The following COL4A6 variants were observed in gnomAD, a reference collection of about 807,000 sequenced individuals.
COL4A6 encodes collagen type IV alpha 6 chain, also known as collagen alpha-6(IV) chain.
COL4A6 carries 59 observed loss-of-function variants against 126.7 expected under a neutral mutation model. The observed-to-expected ratio is 0.47, with a 90% CI of 0.38 to 0.58. COL4A6 has a LOEUF of 0.58. COL4A6 is among the 20% of genes least tolerant of loss of function. The probability of loss-of-function intolerance (pLI) is 0.00; values close to 1 mark genes in which losing one functional copy is unlikely to be tolerated. For missense variants in COL4A6, 1,285 were observed against 1,337.3 expected (o/e 0.96, Z 0.61); for synonymous variants, 547 against 496.6 (o/e 1.10, Z -1.35).
Position 108,438,321 on chromosome X carries a change from T to A in COL4A6, c.-125A>T. The A allele has an allele frequency of 9.2e-7, 1 of 1,090,642 alleles. No homozygotes were observed. 89.9% of individuals were successfully genotyped at this position (1,090,642 alleles called of 1,213,427 possible). ...CTCAGAACAGAGTAGGTGGACGAAGTGGCCCAGTTTGGAAGAAACTAAACA... is the reference window on the plus strand; with the variant it reads ...CTCAGAACAGAGTAGGTGGACGAAGAGGCCCAGTTTGGAAGAAACTAAACA... On this transcript the variant is annotated 5_prime_UTR_variant, in exon 1 of 45. Coordinates refer to ENST00000334504, the MANE Select transcript of COL4A6 (RefSeq NM_033641.4).
chrX:108,212,815 C>G (rs1164733531), intron 6 of COL4A6, among the ~76,000 whole-genome samples: 1 of 111,863 alleles, frequency 8.9e-6, no homozygotes, highest in East Asian at 2.8e-4. Context: ...CCTATTTAGG[C>G]TTGAGGTTAA....
rs1317356605 is a variant in COL4A6, at chrX:108,277,035, T to C, written c.144+33713A>G. Among the ~76,000 whole-genome samples the C allele has an allele frequency of 1.8e-5, 2 of 112,090 alleles. 1 individual carries two copies. The highest frequency in any genetic ancestry group is 1.9e-4 in the Admixed American group (2 of 10,589). On this transcript the variant is annotated intron_variant, in intron 3 of 44. Transcript: ENST00000334504. ...AGGTATAGAGGCGAAGATGGCCGAA[T>C]AGGAACAGCTCTGGTCTACAGCTCC...
At chrX:108,409,722 G>T (rs1331954424) in intron 2 of COL4A6, among the ~76,000 whole-genome samples, 1 of 112,256 alleles carries the variant, frequency 8.9e-6, no homozygotes, top group Non-Finnish European at 1.9e-5. Flanking sequence ...TAATAAGAAA[G>T]AATGGGAAGG....
chrX:108,185,320 A>T (rs775137703), intron 23 of COL4A6, among the ~76,000 whole-genome samples: 14 of 106,654 alleles, frequency 1.3e-4, no homozygotes, highest in Non-Finnish European at 1.9e-4. Flanking sequence ...TGAACCCAGG[A>T]GGCAGAGGTT....
chrX:108,431,579 G>A (rs1429556491), intron 2 of COL4A6, among the ~76,000 whole-genome samples: 1 of 111,871 alleles, frequency 8.9e-6, no homozygotes, highest in Non-Finnish European at 1.9e-5. Flanking sequence ...TATGGTTTAA[G>A]AAGATGCATA....
intron 3 of COL4A6, among the ~76,000 whole-genome samples, chrX:108,250,099 C>T (rs2036814969): frequency 8.9e-6 from 1 of 112,091 alleles, no homozygotes; most frequent in Non-Finnish European, 1.9e-5. Context: ...CATCTCTGTT[C>T]AGCAGGAAGT....
rs887334746 is a variant in COL4A6 at position 108,411,578 on chromosome X, T to A, written c.63+26364A>T. On this transcript the variant is annotated intron_variant, in intron 2 of 44. Transcript: ENST00000334504. Reference sequence around the variant, plus strand: ...AAGGCCACAGTGGCAGGGCCAGAAGTTCCCCCCTAGTTGGTATCCAGTGAG... The same window carrying A: ...AAGGCCACAGTGGCAGGGCCAGAAGATCCCCCCTAGTTGGTATCCAGTGAG... Among the ~76,000 whole-genome samples the A allele has an allele frequency of 4.5e-5, 5 of 111,989 alleles. No individual in the cohort carries two copies. In the East Asian group the frequency reaches 1.4e-3, roughly 31 times the overall value.
intron 36 of COL4A6, 70 bp from the exon 37 acceptor site, chrX:108,169,690 C>T (rs2034241697): frequency 3.5e-6 from 4 of 1,132,107 alleles, no homozygotes; most frequent in Non-Finnish European, 4.7e-6. Context: ...ACTCACTCGC[C>T]TGTGGCCTGA....
At chrX:108,290,731 C>T (rs998951251) in intron 3 of COL4A6, among the ~76,000 whole-genome samples, 2 of 112,084 alleles carry the variant, frequency 1.8e-5, no homozygotes, top group East Asian at 5.6e-4. Context: ...CTGGTGAACA[C>T]GCAAGGTGTT....
intron 2 of COL4A6, among the ~76,000 whole-genome samples, chrX:108,423,186 GA>G (rs1441015566): frequency 8.9e-6 from 1 of 111,794 alleles, no homozygotes; most frequent in Admixed American, 9.5e-5. Context: ...TAAACACATA[GA>G]AAATTTACAA....
intron 44 of COL4A6, among the ~76,000 whole-genome samples, chrX:108,158,976 G>T (rs1476019215): frequency 8.9e-6 from 1 of 112,408 alleles, no homozygotes. Context: ...AAAAATACCA[G>T]CAAGGACATA....
intron 3 of COL4A6, among the ~76,000 whole-genome samples, chrX:108,247,010 T>G (rs2036734584): frequency 8.9e-6 from 1 of 111,833 alleles, no homozygotes; most frequent in African/African-American, 3.3e-5. Flanking sequence ...TTATTAATAT[T>G]AGAGCACTAG....
At chrX:108,280,287 C>A (rs748333564) in intron 3 of COL4A6, among the ~76,000 whole-genome samples, 1 of 110,487 alleles carries the variant, frequency 9.1e-6, no homozygotes, top group Non-Finnish European at 1.9e-5. Context: ...ATCAAATAGA[C>A]GCAATAAAAA....
intron 3 of COL4A6, among the ~76,000 whole-genome samples, chrX:108,273,773 C>G (rs2037523544): frequency 8.9e-6 from 1 of 112,096 alleles, no homozygotes; most frequent in Non-Finnish European, 1.9e-5. Context: ...TCTATAATCT[C>G]CTGCCATGTT....
In COL4A6 at chrX:108,172,513, C is replaced by A; in HGVS notation, c.3158G>T (p.Gly1053Val). 4 of 1,206,533 alleles carry A rather than the reference C, an allele frequency of 3.3e-6. No homozygotes were observed. Among genetic ancestry groups the A allele is most frequent in the Non-Finnish European group, 4.5e-6 (4 of 892,462 alleles). Reference sequence around the variant, plus strand: ...AGATGCTCCTGGGAGTCCAGGCGACCCTCTGATACCTTGTGAACCCTTCGA... The same window carrying A: ...AGATGCTCCTGGGAGTCCAGGCGACACTCTGATACCTTGTGAACCCTTCGA... Reference protein sequence around the residue: ...PGESGSQGIRGSPGLPGASGL... With the variant: ...PGESGSQGIRVSPGLPGASGL... Residue 1053 changes from glycine to valine, a missense_variant, in exon 32 of 45, where the codon GGG becomes GTG. Coordinates refer to ENST00000334504, the MANE Select transcript of COL4A6 (RefSeq NM_033641.4).
intron 3 of COL4A6, among the ~76,000 whole-genome samples, chrX:108,261,048 T>A (rs1441054970): frequency 9.0e-6 from 1 of 110,691 alleles, no homozygotes; most frequent in East Asian, 2.9e-4. Context: ...TCTTTAATCA[T>A]CCCCAAATTA....
intron 35 of COL4A6, 43 bp downstream of exon 35, chrX:108,170,566 A>T: frequency 9.4e-7 from 1 of 1,058,493 alleles, no homozygotes; most frequent in Non-Finnish European, 1.3e-6. Flanking sequence ...TCCTTCATCG[A>T]GGGAAAGACT....
chrX:108,178,978 A>G, intron 26 of COL4A6, 133 bp from the exon 27 acceptor site: 1 of 810,046 alleles, frequency 1.2e-6, no homozygotes, highest in Non-Finnish European at 1.7e-6. Context: ...CCCAGCCGTA[A>G]CCCAGTCTTT....
intron 3 of COL4A6, among the ~76,000 whole-genome samples, chrX:108,264,742 C>T (rs917212289): frequency 8.9e-6 from 1 of 111,763 alleles, no homozygotes; most frequent in African/African-American, 3.2e-5. Flanking sequence ...GAGTTTTTGC[C>T]TCTTGGTAAC....
Sources: gnomAD v4.1 joint callset for allele counts (sites outside exome capture counted in the v4.1 genomes callset) on GRCh38, gnomAD v4.1.1 for gene constraint, MANE v1.5 for transcripts, NCBI Gene and HGNC (gene_info 2026-07-23, HGNC 2026-07-21) for gene names.